KLHL5: variants seen among roughly 807,000 people sequenced by gnomAD.
KLHL5 encodes kelch-like protein 5.
A neutral mutation model predicts 77.7 loss-of-function variants in KLHL5; 48 were observed. The ratio of observed to expected loss-of-function variants is 0.62; its 90% CI spans 0.49 to 0.79. KLHL5 has a LOEUF of 0.79. KLHL5 is among the 30% of genes least tolerant of loss of function. The pLI, the probability that KLHL5 is intolerant of heterozygous loss-of-function variation, is 0.00. For synonymous variants in KLHL5, 260 were observed against 297.0 expected, an observed-to-expected ratio of 0.88 and a Z score of 1.28; for missense variants, 723 against 859.7, an observed-to-expected ratio of 0.84 and a Z score of 1.99.
intron 2 of KLHL5, among the ~76,000 whole-genome samples, chr4:39,078,855 T>C (rs1351410529): frequency 1.3e-5 from 2 of 151,892 alleles, no homozygotes; most frequent in African/African-American, 4.8e-5. Flanking sequence ...AAAGAACTTA[T>C]TCATGTAACA....
chr4:39,098,520 A>C, intron 6 of KLHL5, among the ~76,000 whole-genome samples: 1 of 149,954 alleles, frequency 6.7e-6, no homozygotes, highest in East Asian at 2.0e-4. Context: ...GTCCGCCTCA[A>C]CCTCCCAAAA....
chr4:39,048,302 CTTCCA>C (rs145816316), intron 1 of KLHL5, among the ~76,000 whole-genome samples: 1,861 of 152,282 alleles, frequency 0.012, 30 homozygotes, highest in African/African-American at 0.042. Flanking sequence ...ATGAGGGGCA[CTTCCA>C]TTCCAAAGTA....
At chr4:39,116,405 A>T (rs549639679) in intron 10 of KLHL5, 2 of 152,366 alleles carry the variant, frequency 1.3e-5, no homozygotes, top group African/African-American at 4.8e-5. Flanking sequence ...GGTAGGTAAG[A>T]TCTACATGTG....
chr4:39,116,649 G>A (rs7685468), intron 10 of KLHL5, among the ~76,000 whole-genome samples: 79,899 of 151,738 alleles, frequency 0.53, 21,613 homozygotes, highest in Non-Finnish European at 0.59. Flanking sequence ...TGTGTAATAC[G>A]TATTGAAGTA....
intron 10 of KLHL5, 69 bp from the exon 11 acceptor site, chr4:39,120,941 C>A (rs1723167831): frequency 1.7e-6 from 2 of 1,199,890 alleles, no homozygotes; most frequent in Non-Finnish European, 2.5e-6. Flanking sequence ...TTCAATATTT[C>A]ACCAACTGGC....
At chr4:39,115,824 A>G in intron 10 of KLHL5, 1 of 1,020,264 alleles carries the variant, frequency 9.8e-7, no homozygotes, top group African/African-American at 1.7e-5. Flanking sequence ...CAGTCTTACT[A>G]ACAGAAAGAA....
intron 1 of KLHL5, among the ~76,000 whole-genome samples, chr4:39,057,017 C>T (rs1717052975): frequency 6.6e-6 from 1 of 152,072 alleles, no homozygotes; most frequent in African/African-American, 2.4e-5. Context: ...ATCCATTTTT[C>T]ACCATTGCCA....
chr4:39,091,093 A>C (rs544421263), intron 5 of KLHL5, among the ~76,000 whole-genome samples: 1 of 151,002 alleles, frequency 6.6e-6, no homozygotes. Flanking sequence ...GGTTCAAGCA[A>C]TTCTCGTACC....
At chr4:39,132,006 CGGTTCTGTCGACCTCCCAG>C in the KLHL5 span, among the ~76,000 whole-genome samples, 1 of 152,128 alleles carries the variant, frequency 6.6e-6, no homozygotes, top group Non-Finnish European at 1.5e-5. Context: ...AATTCCCCTT[CGGTTCTGTCGACCTCCCAG>C]GGGATGGGAT....
At chr4:39,100,166 C>T (rs190834210) in intron 6 of KLHL5, among the ~76,000 whole-genome samples, 1 of 152,184 alleles carries the variant, frequency 6.6e-6, no homozygotes. Flanking sequence ...AAATGCGTAT[C>T]TGTCTTTTCA....
chr4:39,083,250 G>A (rs1719777809), intron 4 of KLHL5, among the ~76,000 whole-genome samples: 1 of 152,184 alleles, frequency 6.6e-6, no homozygotes, highest in African/African-American at 2.4e-5. Context: ...TGAGCTTGGT[G>A]TGAGGATTAG....
intron 5 of KLHL5, among the ~76,000 whole-genome samples, chr4:39,090,987 T>A (rs796666665): frequency 0.12 from 1,431 of 12,060 alleles, 24 homozygotes; most frequent in African/African-American, 0.3. Context: ...AGTTTTTAAT[T>A]TTTTTTTTTT....
chr4:39,067,674 C>CT (rs11356460), intron 1 of KLHL5, among the ~76,000 whole-genome samples: 1 of 132,738 alleles, frequency 7.5e-6, no homozygotes, highest in African/African-American at 2.8e-5. Flanking sequence ...ACCCATAACT[C>CT]TTTTTTTTTT....
chr4:39,080,948 G>A (rs1293050148), intron 2 of KLHL5, among the ~76,000 whole-genome samples, 155 bp from the exon 3 acceptor site: 2 of 152,134 alleles, frequency 1.3e-5, no homozygotes, highest in South Asian at 2.1e-4. Flanking sequence ...TTATTCAAAG[G>A]AAGGAACTAG....
downstream of KLHL5, among the ~76,000 whole-genome samples, chr4:39,126,307 G>A (rs73132006): frequency 9.6e-4 from 146 of 152,138 alleles, no homozygotes; most frequent in African/African-American, 3.3e-3. Flanking sequence ...AAAAATTACA[G>A]GCTACTTATG....
At chr4:39,066,563 A>G (rs887277541) in intron 1 of KLHL5, among the ~76,000 whole-genome samples, 1 of 152,192 alleles carries the variant, frequency 6.6e-6, no homozygotes, top group South Asian at 2.1e-4. Context: ...TACATTCCTC[A>G]ACTTACAATG....
At chr4:39,129,464 T>A (rs1240004374), downstream of KLHL5, among the ~76,000 whole-genome samples, 1 of 152,248 alleles carries the variant, frequency 6.6e-6, no homozygotes, top group Non-Finnish European at 1.5e-5. This position sits in a 1 kb window ranked among gnomAD's most constrained non-coding sequence, Gnocchi z 4.2. Context: ...CGCCTTGGCC[T>A]CCCAAAGTGC....
At chr4:39,108,030 A>G (rs1029919124) in intron 8 of KLHL5, among the ~76,000 whole-genome samples, 2 of 151,076 alleles carry the variant, frequency 1.3e-5, no homozygotes, top group East Asian at 3.9e-4. Context: ...TTAAAATAAT[A>G]TAATTTAAAA....
At chr4:39,135,551 T>C in the KLHL5 span, 1 of 152,334 alleles carries the variant, frequency 6.6e-6, no homozygotes, top group Non-Finnish European at 1.5e-5. Flanking sequence ...AAAAGGCTCA[T>C]GTCCACGTTG....
Sources: gnomAD v4.1 joint callset for allele counts (sites outside exome capture counted in the v4.1 genomes callset) on GRCh38, gnomAD v4.1.1 for gene constraint, Gnocchi (gnomAD v3.1) non-coding constraint, MANE v1.5 for transcripts, NCBI Gene and HGNC (gene_info 2026-07-23, HGNC 2026-07-21) for gene names.